KIF26B: variants seen among roughly 807,000 people sequenced by gnomAD.
KIF26B encodes the protein kinesin-like protein KIF26B.
Under a neutral mutation model 151.2 loss-of-function variants are expected in KIF26B, and 63 were observed. The observed-to-expected ratio is 0.42, with a 90% CI of 0.34 to 0.51. KIF26B has a LOEUF of 0.51. Ranked by LOEUF, KIF26B falls within the 20% of genes least tolerant of loss-of-function variation. The pLI, the probability that KIF26B is intolerant of heterozygous loss-of-function variation, is 0.07. For synonymous variants in KIF26B, 1,357 were observed against 1,262.1 expected (o/e 1.08, Z -1.59); for missense variants, 2,813 against 2,913.6 (o/e 0.97, Z 0.79).
At chr1:245,325,415 G>T (rs553232000) in intron 2 of KIF26B, among the ~76,000 whole-genome samples, 55 of 152,242 alleles carry the variant, frequency 3.6e-4, no homozygotes, top group African/African-American at 1.2e-3. Flanking sequence ...ATAAAGACAG[G>T]CTTAAGAATC....
At position 245,607,628 on chromosome 1, in the gene KIF26B, G is replaced by A. The variant is rs375491038; in HGVS notation, c.1558-23G>A. ...CCGCTGCGAGGTCCATTCACGGCTC[G>A]TGTCTCCTCTTGTGTCTGACAGGCT... On this transcript the variant is annotated intron_variant, in intron 6 of 14. Transcript: ENST00000407071. 5.7e-5 allele frequency: 90 copies of A among 1,581,788 alleles called. No homozygotes were observed. The African/African-American group carries it at 8.2e-4, about 14-fold the overall frequency.
At chr1:245,479,034 G>A (rs1423836244) in intron 4 of KIF26B, among the ~76,000 whole-genome samples, 1 of 151,810 alleles carries the variant, frequency 6.6e-6, no homozygotes, top group Non-Finnish European at 1.5e-5. Context: ...CAGGAGCGCA[G>A]CTGAATGCAC....
At chr1:245,514,475 G>C (rs1660906614) in intron 4 of KIF26B, among the ~76,000 whole-genome samples, 1 of 152,074 alleles carries the variant, frequency 6.6e-6, no homozygotes, top group Non-Finnish European at 1.5e-5. Context: ...GTTGCAGTGA[G>C]CCAAGATCCT....
At chr1:245,618,484 C>A (rs2043618416) in intron 9 of KIF26B, among the ~76,000 whole-genome samples, 1 of 148,830 alleles carries the variant, frequency 6.7e-6, no homozygotes, top group Admixed American at 6.7e-5. Flanking sequence ...GGGGCTGTGT[C>A]CGCTGCGTCA....
chr1:245,612,041 G>T, intron 9 of KIF26B, 65 bp downstream of exon 9: 1 of 1,422,828 alleles, frequency 7.0e-7, no homozygotes. Flanking sequence ...AATCCCTTGG[G>T]CAACCATGAC....
chr1:245,396,960 TC>T (rs148759457), intron 3 of KIF26B, among the ~76,000 whole-genome samples: 31,637 of 149,376 alleles, frequency 0.21, 4,937 homozygotes, highest in African/African-American at 0.44. Flanking sequence ...ACATTTCTAC[TC>T]CTTTTTTTTT....
In KIF26B at chr1:245,175,492, G is replaced by A. The variant is rs531796711; in HGVS notation, c.465+18809G>A. 3.9e-5 allele frequency among the ~76,000 whole-genome samples: 6 copies of A among 152,248 alleles called. No homozygotes were observed. In the South Asian group the frequency reaches 1.2e-3, roughly 32 times the overall value. On this transcript the variant is annotated intron_variant, in intron 2 of 14. Transcript: ENST00000407071. Reference sequence around the variant, plus strand: ...AACTTGGAAGAGGCAAAGTAAACAGGCATGGTTGCCTGTTTATTTTGAGGT... The same window carrying A: ...AACTTGGAAGAGGCAAAGTAAACAGACATGGTTGCCTGTTTATTTTGAGGT...
intron 2 of KIF26B, among the ~76,000 whole-genome samples, chr1:245,228,945 TTTA>T (rs912813043): frequency 6.6e-6 from 1 of 151,486 alleles, no homozygotes; most frequent in African/African-American, 2.4e-5. Context: ...GCTAGAGGGA[TTTA>T]TTATTATTAT....
intron 10 of KIF26B, among the ~76,000 whole-genome samples, chr1:245,680,254 G>A (rs2044415741): frequency 6.6e-6 from 1 of 152,002 alleles, no homozygotes. Flanking sequence ...TGGGAAAGCC[G>A]CAGCTTTCTA....
chr1:245,484,027 CT>C (rs1660224156), intron 4 of KIF26B, among the ~76,000 whole-genome samples: 1 of 151,772 alleles, frequency 6.6e-6, no homozygotes. Flanking sequence ...CTAATGCCCT[CT>C]CTTGAATTGT....
At position 245,471,050 on chromosome 1, in the gene KIF26B, A is replaced by T. The variant is rs868498333; in HGVS notation, c.1166+51305A>T. Among the ~76,000 whole-genome samples the T allele has an allele frequency of 3.3e-5, 5 of 151,696 alleles. No individual in the cohort carries two copies. The South Asian group carries it at 1.0e-3, about 31-fold the overall frequency. ...TTTTGGCTTCTACATTTATTGTCGT[A>T]TATTCAAGCAGAACAGTGTAAAAAT... On this transcript the variant is annotated intron_variant, in intron 4 of 14. Transcript: ENST00000407071.
At chr1:245,498,047 C>G (rs112714533) in intron 4 of KIF26B, among the ~76,000 whole-genome samples, 96 of 152,312 alleles carry the variant, frequency 6.3e-4, no homozygotes, top group African/African-American at 2.3e-3. Context: ...ATCTCAAACT[C>G]CATATGTAAC....
intron 4 of KIF26B, among the ~76,000 whole-genome samples, chr1:245,468,954 T>G (rs1178761550): frequency 1.3e-5 from 2 of 152,232 alleles, no homozygotes; most frequent in African/African-American, 2.4e-5. Context: ...ACACATACCT[T>G]GTGTGTATGT....
At chr1:245,414,982 T>A (rs1324966251) in intron 3 of KIF26B, among the ~76,000 whole-genome samples, 1 of 152,202 alleles carries the variant, frequency 6.6e-6, no homozygotes, top group Non-Finnish European at 1.5e-5. Flanking sequence ...ACTTCCCTAC[T>A]TGACGGCTGA....
chr1:245,347,435 A>C (rs972999326), intron 2 of KIF26B, among the ~76,000 whole-genome samples: 1 of 151,672 alleles, frequency 6.6e-6, no homozygotes. Flanking sequence ...ATCCTCCTTC[A>C]TCAGCCTCCA....
At chr1:245,197,411 C>G (rs1669214522) in intron 2 of KIF26B, among the ~76,000 whole-genome samples, 1 of 152,106 alleles carries the variant, frequency 6.6e-6, no homozygotes, top group African/African-American at 2.4e-5. Flanking sequence ...TATTGCTTTT[C>G]CAGTGAAAAG....
intron 2 of KIF26B, among the ~76,000 whole-genome samples, chr1:245,359,931 G>T (rs1438632194): frequency 6.7e-6 from 1 of 150,172 alleles, no homozygotes; most frequent in Non-Finnish European, 1.5e-5. Flanking sequence ...GGAGTGCAGT[G>T]GTGAGATCTG....
chr1:245,295,461 T>A (rs565284004), intron 2 of KIF26B, among the ~76,000 whole-genome samples: 92 of 152,288 alleles, frequency 6.0e-4, no homozygotes, highest in African/African-American at 2.2e-3. Flanking sequence ...TGGGTCCGTA[T>A]CATGGGTTCC....
At position 245,687,047 on chromosome 1, in the gene KIF26B, C is replaced by G. The variant is rs190878095; in HGVS notation, c.4064C>G (p.Ala1355Gly). The stretch of plus-strand genomic sequence containing the variant: ...GGAGATGACTCTTTCAACAAAGCAG[C>G]CCCCATCAAAGGCTGCAAAATATCC... Reference protein sequence around the residue: ...EMGDDSFNKAAPIKGCKISTV... With the variant: ...EMGDDSFNKAGPIKGCKISTV... The change falls in exon 12 of 15, where the codon GCC becomes GGC. Residue 1355 changes from alanine (A) to glycine (G), a missense_variant. Ala to Gly is a moderately conservative substitution (Grantham distance 60, BLOSUM62 0). Coordinates refer to ENST00000407071, the MANE Select transcript of KIF26B (RefSeq NM_018012.4). This position sits in a 1 kb window ranked among gnomAD's most constrained non-coding sequence, Gnocchi z 4.9. The G allele has an allele frequency of 2.1e-3, 3,374 of 1,613,352 alleles. 37 individuals carry two copies. Among genetic ancestry groups the G allele is most frequent in the Middle Eastern group, 0.013 (76 of 6,058 alleles).
Sources: gnomAD v4.1 joint callset for allele counts (sites outside exome capture counted in the v4.1 genomes callset) on GRCh38, gnomAD v4.1.1 for gene constraint, Gnocchi (gnomAD v3.1) non-coding constraint, MANE v1.5 for transcripts, NCBI Gene and HGNC (gene_info 2026-07-23, HGNC 2026-07-21) for gene names.